Variants in PDSS2 observed in about 807,000 individuals in gnomAD.
PDSS2 encodes the protein all trans-polyprenyl-diphosphate synthase PDSS2.
Under a neutral mutation model 44.5 loss-of-function variants are expected in PDSS2, and 31 were observed. The ratio of observed to expected loss-of-function variants is 0.70; its 90% CI spans 0.52 to 0.94. The LOEUF (loss-of-function observed/expected upper bound fraction) is 0.94. Ranked by LOEUF, PDSS2 falls within the 40% of genes least tolerant of loss-of-function variation. The pLI is 0.00. For synonymous variants in PDSS2, 157 were observed against 180.3 expected, an observed-to-expected ratio of 0.87 and a Z score of 1.03; for missense variants, 452 against 482.2, an observed-to-expected ratio of 0.94 and a Z score of 0.59.
chr6:107,248,667 A>C (rs897767258), intron 3 of PDSS2, among the ~76,000 whole-genome samples: 5 of 152,206 alleles, frequency 3.3e-5, no homozygotes, highest in Admixed American at 1.3e-4. Flanking sequence ...ATTGCAATAA[A>C]GGGAATTGGA....
intron 3 of PDSS2, among the ~76,000 whole-genome samples, chr6:107,261,451 T>G (rs1235177690): frequency 6.6e-6 from 1 of 152,208 alleles, no homozygotes; most frequent in Non-Finnish European, 1.5e-5. Context: ...GATTGTAAGC[T>G]TCCTAAGGCC....
intron 6 of PDSS2, among the ~76,000 whole-genome samples, chr6:107,206,460 C>T (rs1272915824): frequency 6.6e-6 from 1 of 152,138 alleles, no homozygotes; most frequent in East Asian, 1.9e-4. Flanking sequence ...CTGAAAGGGA[C>T]TTTGGAAAAG....
rs377429535 is a variant in PDSS2 at position 107,459,315 on chromosome 6, G to A, written c.-30C>T. The A allele has an allele frequency of 1.8e-4, 281 of 1,604,520 alleles. No individual in the cohort carries two copies. The highest frequency in any genetic ancestry group is 2.2e-4 in the Non-Finnish European group (260 of 1,172,896). Reference sequence around the variant, plus strand: ...TGAGTCTGGAAGGGTCTGGGACCTGGGGGTATCCAGAAGTGCCGCGGGAAA... The same window carrying A: ...TGAGTCTGGAAGGGTCTGGGACCTGAGGGTATCCAGAAGTGCCGCGGGAAA... On this transcript the variant is annotated 5_prime_UTR_variant, in exon 1 of 8. Coordinates refer to ENST00000369037, the MANE Select transcript of PDSS2 (RefSeq NM_020381.4). The surrounding 1 kb of genome is among the most constrained non-coding windows in gnomAD (Gnocchi z 4.3).
intron 1 of PDSS2, among the ~76,000 whole-genome samples, chr6:107,366,108 A>T (rs1778952919): frequency 6.6e-6 from 1 of 152,134 alleles, no homozygotes; most frequent in South Asian, 2.1e-4. Flanking sequence ...CTTTTCAAGC[A>T]CACGTGGAAC....
intron 1 of PDSS2, 83 bp downstream of exon 1, chr6:107,458,907 G>C: frequency 8.2e-7 from 1 of 1,220,530 alleles, no homozygotes; most frequent in Non-Finnish European, 1.2e-6. Flanking sequence ...GAGCCAGTCT[G>C]AGAGAGCTAG....
chr6:107,376,585 T>C (rs1231229598), intron 1 of PDSS2, among the ~76,000 whole-genome samples: 1 of 152,214 alleles, frequency 6.6e-6, no homozygotes, highest in Non-Finnish European at 1.5e-5. Context: ...ATAAGAATGC[T>C]TGTGATTTTT....
At chr6:107,446,213 G>A (rs1781674244) in intron 1 of PDSS2, among the ~76,000 whole-genome samples, 1 of 152,070 alleles carries the variant, frequency 6.6e-6, no homozygotes, top group Non-Finnish European at 1.5e-5. Context: ...CTACTCGGGA[G>A]GCTGAGGCAG....
At chr6:107,240,987 T>C (rs1582833519) in intron 4 of PDSS2, among the ~76,000 whole-genome samples, 1 of 152,008 alleles carries the variant, frequency 6.6e-6, no homozygotes, top group Admixed American at 6.6e-5. Context: ...ACAGTAAGTA[T>C]GAGTAAGTAA....
At chr6:107,233,360 TC>T (rs1406778833) in intron 4 of PDSS2, among the ~76,000 whole-genome samples, 2 of 152,174 alleles carry the variant, frequency 1.3e-5, no homozygotes, top group Non-Finnish European at 1.5e-5. Flanking sequence ...TGGCCTGTGT[TC>T]TTTATTGCTT....
intron 1 of PDSS2, among the ~76,000 whole-genome samples, chr6:107,432,580 C>T (rs532968641): frequency 6.6e-6 from 1 of 152,014 alleles, no homozygotes; most frequent in African/African-American, 2.4e-5. Context: ...CACTTGAGGC[C>T]AGGAGTTTGA....
chr6:107,317,700 T>A (rs868719575), intron 2 of PDSS2, among the ~76,000 whole-genome samples: 2 of 152,224 alleles, frequency 1.3e-5, no homozygotes, highest in Non-Finnish European at 2.9e-5. Context: ...ATAATATTCA[T>A]AATTTATAAC....
intron 1 of PDSS2, among the ~76,000 whole-genome samples, chr6:107,359,714 A>G (rs1438917778): frequency 6.6e-6 from 1 of 151,952 alleles, no homozygotes; most frequent in African/African-American, 2.4e-5. Flanking sequence ...AAATAAAATC[A>G]CATATTCAAT....
At chr6:107,163,847 T>C (rs1388187700) in intron 7 of PDSS2, among the ~76,000 whole-genome samples, 3 of 152,140 alleles carry the variant, frequency 2.0e-5, no homozygotes, top group Admixed American at 2.0e-4. Context: ...AGGTGATCCG[T>C]CCACCTCGGC....
chr6:107,386,309 C>T (rs1265998788), intron 1 of PDSS2, among the ~76,000 whole-genome samples: 1 of 150,472 alleles, frequency 6.6e-6, no homozygotes, highest in African/African-American at 2.4e-5. Context: ...AAAATTCAAA[C>T]TTTGTGATAT....
chr6:107,402,009 T>A (rs1047776780), intron 1 of PDSS2, among the ~76,000 whole-genome samples: 4 of 152,140 alleles, frequency 2.6e-5, no homozygotes, highest in Non-Finnish European at 4.4e-5. Context: ...CCGGGCGCAG[T>A]GGCTCACACC....
chr6:107,158,006 T>C (rs1770970729), intron 7 of PDSS2, among the ~76,000 whole-genome samples: 1 of 152,004 alleles, frequency 6.6e-6, no homozygotes, highest in African/African-American at 2.4e-5. Flanking sequence ...CACTTATCTA[T>C]GACTTCATGA....
intron 2 of PDSS2, among the ~76,000 whole-genome samples, chr6:107,283,272 G>A (rs1374747782): frequency 6.6e-6 from 1 of 151,796 alleles, no homozygotes; most frequent in African/African-American, 2.4e-5. Context: ...GCTACGGTGG[G>A]CTGTGTTTGC....
intron 3 of PDSS2, among the ~76,000 whole-genome samples, chr6:107,255,471 C>T (rs894982684): frequency 6.6e-6 from 1 of 151,906 alleles, no homozygotes; most frequent in South Asian, 2.1e-4. Flanking sequence ...GGATTACAGG[C>T]GTGAGCTACC....
At chr6:107,443,996 T>C (rs1255153173) in intron 1 of PDSS2, among the ~76,000 whole-genome samples, 1 of 152,202 alleles carries the variant, frequency 6.6e-6, no homozygotes, top group East Asian at 1.9e-4. Context: ...TATTAAATCA[T>C]TCAATCTTCA....
Sources: allele counts gnomAD v4.1 joint callset (sites outside exome capture counted in the v4.1 genomes callset), GRCh38; gene constraint gnomAD v4.1.1; non-coding constraint Gnocchi (gnomAD v3.1); transcripts MANE v1.5; gene names NCBI Gene and HGNC (gene_info 2026-07-23, HGNC 2026-07-21).